SLC12A7: variants seen among roughly 807,000 people sequenced by gnomAD.
SLC12A7 encodes solute carrier family 12 member 7.
A neutral mutation model predicts 120.6 loss-of-function variants in SLC12A7; 100 were observed. The observed-to-expected ratio is 0.83, with a 90% CI of 0.71 to 0.98. The LOEUF is 0.98. Among genes scored for constraint, SLC12A7 ranks in the 50% least tolerant of loss-of-function variants. The pLI is 0.00. For synonymous variants in SLC12A7, 760 were observed against 678.0 expected (o/e 1.12, Z -1.88); for missense variants, 1,373 against 1,548.1 (o/e 0.89, Z 1.90).
intron 5 of SLC12A7, among the ~76,000 whole-genome samples, chr5:1,087,659 C>T (rs916668423): frequency 6.6e-6 from 1 of 152,230 alleles, no homozygotes; most frequent in Non-Finnish European, 1.5e-5. Flanking sequence ...CCAAGCGATG[C>T]CCCCGTGGGG....
chr5:1,054,147 C>T (rs111460998), intron 22 of SLC12A7, among the ~76,000 whole-genome samples: 2,231 of 152,258 alleles, frequency 0.015, 38 homozygotes, highest in East Asian at 0.043. Flanking sequence ...TCCCCTCCTA[C>T]GGCCCACCCT....
chr5:1,076,175 T>C lies in SLC12A7; in HGVS notation c.1810A>G (p.Thr604Ala). ...TTGAAGCGTGGACGCCAGTTGGGGG[T>C]ACGTAGCAGGGTCTGCACGGCGCAG... ...LACAVQTLLR[T>A]PNWRPRFKFY... The change falls in exon 14 of 24, where the codon ACC becomes GCC. Residue 604 changes from threonine (T) to alanine (A), a missense_variant. By Grantham distance (58) the Thr-to-Ala change is moderately conservative. Transcript: ENST00000264930. The C allele has an allele frequency of 6.2e-7, 1 of 1,612,282 alleles. No homozygotes were observed. The highest frequency in any genetic ancestry group is 8.5e-7 in the Non-Finnish European group (1 of 1,179,630).
intron 12 of SLC12A7, among the ~76,000 whole-genome samples, chr5:1,077,102 G>A (rs1237416728): frequency 7.0e-5 from 10 of 143,436 alleles, no homozygotes; most frequent in Non-Finnish European, 1.2e-4. Context: ...CAGGACCAGC[G>A]TCTCCAGGGC....
intron 22 of SLC12A7, among the ~76,000 whole-genome samples, chr5:1,054,767 G>C (rs1735431834): frequency 6.6e-6 from 1 of 152,220 alleles, no homozygotes; most frequent in Admixed American, 6.5e-5. Flanking sequence ...ACATAAACGT[G>C]ATCATAACCA....
chr5:1,108,967 G>A (rs749834051), intron 1 of SLC12A7, among the ~76,000 whole-genome samples: 26 of 152,176 alleles, frequency 1.7e-4, no homozygotes, highest in Non-Finnish European at 1.0e-4. Flanking sequence ...TCTCAGAAAC[G>A]GAACCCAAAG....
At chr5:1,122,579 C>T in the SLC12A7 span, among the ~76,000 whole-genome samples, 91 of 152,360 alleles carry the variant, frequency 6.0e-4, 2 homozygotes, top group East Asian at 0.016. Context: ...CCTTCACCAC[C>T]GGTCTCCAGA....
intron 8 of SLC12A7, among the ~76,000 whole-genome samples, chr5:1,083,385 C>T (rs1739434051): frequency 6.6e-6 from 1 of 152,226 alleles, no homozygotes; most frequent in Admixed American, 6.5e-5. Flanking sequence ...TCCGAGGCAG[C>T]CTCTCATCAG....
the SLC12A7 span, among the ~76,000 whole-genome samples, chr5:1,129,492 C>T: frequency 3.0e-4 from 45 of 152,280 alleles, no homozygotes; most frequent in African/African-American, 1.0e-3. Flanking sequence ...CCCCTCCTGG[C>T]CCCCTCAGCT....
At chr5:1,058,273 C>T (rs1222381014) in intron 21 of SLC12A7, among the ~76,000 whole-genome samples, 2 of 152,256 alleles carry the variant, frequency 1.3e-5, no homozygotes, top group Non-Finnish European at 2.9e-5. Flanking sequence ...GCCCTCACCG[C>T]GAGATCGCAC....
rs563858269 is a variant in SLC12A7, at chr5:1,077,891, G to A, written c.1571C>T (p.Thr524Met). 38 of 1,598,750 alleles carry A rather than the reference G, an allele frequency of 2.4e-5. No homozygotes were observed. Among genetic ancestry groups the A allele is most frequent in the South Asian group, 9.0e-5 (8 of 88,816 alleles). The change falls in exon 12 of 24, where the codon ACG becomes ATG. Residue 524 changes from threonine to methionine, a missense_variant. Thr to Met is a moderately conservative substitution (Grantham distance 81). Transcript: ENST00000264930. ...GGCCTGCAGTAGGCGCGGTGCCCCC[G>A]TGAGGCTCTGCAGGCCGGCACCGCA... is the stretch of plus-strand genomic sequence containing the variant. ...STCGAGLQSL[T>M]GAPRLLQAIA... is the part of the protein sequence containing the mutation.
intron 9 of SLC12A7, 99 bp downstream of exon 9, chr5:1,081,478 C>T: frequency 7.8e-7 from 1 of 1,285,248 alleles, no homozygotes; most frequent in Non-Finnish European, 1.1e-6. Flanking sequence ...GCCGTGATCA[C>T]ACCACTGCCC....
intron 1 of SLC12A7, among the ~76,000 whole-genome samples, chr5:1,094,893 A>G (rs1321914249): frequency 1.3e-5 from 2 of 152,026 alleles, no homozygotes; most frequent in Non-Finnish European, 2.9e-5. Flanking sequence ...ACCAGGGGGT[A>G]ATCCTAGCAG....
chr5:1,108,201 G>A (rs551792978), intron 1 of SLC12A7, among the ~76,000 whole-genome samples: 5 of 152,314 alleles, frequency 3.3e-5, no homozygotes, highest in Non-Finnish European at 7.3e-5. Flanking sequence ...ACATGGACCC[G>A]GCCAGCTGAC....
chr5:1,134,638 G>T, the SLC12A7 span, among the ~76,000 whole-genome samples: 18 of 152,086 alleles, frequency 1.2e-4, no homozygotes, highest in Non-Finnish European at 1.5e-5. Flanking sequence ...TTAATAGAAT[G>T]ACCCTCTGAC....
Position 1,060,330 on chromosome 5 carries a change from CG to C in SLC12A7, c.2847+13del, listed in dbSNP as rs1242054059. The C allele has an allele frequency of 1.8e-5, 29 of 1,593,186 alleles. No homozygotes were observed. In the East Asian group the frequency reaches 6.2e-4, roughly 34 times the overall value. On this transcript the variant is annotated intron_variant, in intron 21 of 23. Coordinates refer to ENST00000264930, the MANE Select transcript of SLC12A7 (RefSeq NM_006598.3). ...TCAGAAAGCCTGGTGTCTGTGGCCA[CG>C]GCCCCCACGTACCTCTCGCTCCTGC... is the stretch of plus-strand genomic sequence containing the variant.
rs1440281542 is a variant in SLC12A7 at position 1,050,770 on chromosome 5, G to A, written c.*1590C>T. On this transcript the variant is annotated 3_prime_UTR_variant, in exon 24 of 24. Transcript: ENST00000264930. ...CTCATGCTTAGCCAAGGCAGGCAGA[G>A]GCTGTGGGAACTGCTGAGCCCCGCT... The A allele has an allele frequency of 2.5e-6, 1 of 398,222 alleles. No homozygotes were observed. The highest frequency in any genetic ancestry group is 2.1e-5 in the African/African-American group (1 of 48,642). 24.7% of individuals were successfully genotyped at this position (398,222 alleles called of 1,614,324 possible). A position where few individuals can be genotyped will look rare whatever the true frequency, so the allele number is the denominator to read the frequency against.
the SLC12A7 span, among the ~76,000 whole-genome samples, chr5:1,153,793 G>A: frequency 6.6e-6 from 1 of 152,148 alleles, no homozygotes; most frequent in Admixed American, 6.5e-5. Context: ...GTGCACCCTG[G>A]TGAGCAGGCT....
the SLC12A7 span, among the ~76,000 whole-genome samples, chr5:1,138,499 C>T: frequency 2.0e-5 from 3 of 152,322 alleles, no homozygotes; most frequent in Admixed American, 6.5e-5. Context: ...ACCCAGAGGC[C>T]CAGCGGGCTT....
chr5:1,100,080 G>A (rs1179313155), intron 1 of SLC12A7, among the ~76,000 whole-genome samples: 1 of 152,206 alleles, frequency 6.6e-6, no homozygotes, highest in Non-Finnish European at 1.5e-5. Context: ...ACCCGGCCGG[G>A]CTGGGCTCCC....
Sources: allele counts gnomAD v4.1 joint callset (sites outside exome capture counted in the v4.1 genomes callset), GRCh38; gene constraint gnomAD v4.1.1; transcripts MANE v1.5; gene names NCBI Gene and HGNC (gene_info 2026-07-23, HGNC 2026-07-21).